Variants in IMMP2L observed in about 807,000 individuals in gnomAD.
IMMP2L encodes mitochondrial inner membrane protease subunit 2.
A neutral mutation model predicts 19.3 loss-of-function variants in IMMP2L; 18 were observed. That is an observed-to-expected ratio of 0.93 (90% CI 0.64 to 1.38). The LOEUF (loss-of-function observed/expected upper bound fraction) is 1.38. Ranked by LOEUF, IMMP2L falls within the 40% of genes most tolerant of loss-of-function variation. IMMP2L has a pLI of 0.00. For missense variants in IMMP2L, 233 were observed against 218.2 expected, an observed-to-expected ratio of 1.07 and a Z score of -0.43; for synonymous variants, 76 against 73.0, an observed-to-expected ratio of 1.04 and a Z score of -0.21.
intron 2 of IMMP2L, among the ~76,000 whole-genome samples, chr7:111,517,963 C>A (rs140321520): frequency 6.6e-6 from 1 of 152,052 alleles, no homozygotes; most frequent in Admixed American, 6.6e-5. Flanking sequence ...TGCAGCTATA[C>A]GGCTTTATAA....
intron 4 of IMMP2L, among the ~76,000 whole-genome samples, chr7:110,938,706 A>C (rs4730467): frequency 0.48 from 72,592 of 151,854 alleles, 18,558 homozygotes; most frequent in Non-Finnish European, 0.58. Flanking sequence ...CATGTAACAA[A>C]ACTGCACTTT....
At chr7:111,190,405 C>A (rs1808736931) in intron 3 of IMMP2L, among the ~76,000 whole-genome samples, 1 of 152,006 alleles carries the variant, frequency 6.6e-6, no homozygotes, top group African/African-American at 2.4e-5. Context: ...CCTCTATTAT[C>A]AAATATACTT....
intron 3 of IMMP2L, chr7:111,411,452 G>C: frequency 2.0e-6 from 1 of 501,294 alleles, no homozygotes; most frequent in South Asian, 1.4e-5. Flanking sequence ...GGAGCTCTTC[G>C]TGTACCTGAA....
rs1484229556 is a variant in IMMP2L at position 111,214,328 on chromosome 7, C to CTTTTTTTTTTTTTTTTTTTTTTTTTTTTT, written c.240-250764_240-250763insAAAAAAAAAAAAAAAAAAAAAAAAAAAAA. Among the ~76,000 whole-genome samples, 9 of 85,110 alleles carry CTTTTTTTTTTTTTTTTTTTTTTTTTTTTT rather than the reference C, an allele frequency of 1.1e-4. 4 individuals carry two copies. The highest frequency in any genetic ancestry group is 9.6e-5 in the African/African-American group (2 of 20,836). 55.8% of individuals were successfully genotyped at this position (85,110 alleles called of 152,430 possible). A position where few individuals can be genotyped will look rare whatever the true frequency, so the allele number is the denominator to read the frequency against. Reference sequence around the variant, plus strand: ...GTGAATGAATGACAAAGTAATTTTTCTTCTTTTTTTTTTTTTTTTTTTTTT... The same window carrying CTTTTTTTTTTTTTTTTTTTTTTTTTTTTT: ...GTGAATGAATGACAAAGTAATTTTTCTTTTTTTTTTTTTTTTTTTTTTTTTTTTTTTCTTTTTTTTTTTTTTTTTTTTTT... On this transcript the variant is annotated intron_variant, in intron 3 of 5. Coordinates refer to ENST00000405709, the MANE Select transcript of IMMP2L (RefSeq NM_032549.4).
intron 3 of IMMP2L, among the ~76,000 whole-genome samples, chr7:111,038,540 C>T (rs886285880): frequency 6.6e-6 from 1 of 152,098 alleles, no homozygotes; most frequent in African/African-American, 2.4e-5. Flanking sequence ...TGAGCGGTCA[C>T]AATAACCTAG....
chr7:111,258,633 A>G (rs1464404647), intron 3 of IMMP2L, among the ~76,000 whole-genome samples: 1 of 151,782 alleles, frequency 6.6e-6, no homozygotes, highest in East Asian at 1.9e-4. Context: ...CAGCCTCCCA[A>G]GTAGCTGGAA....
intron 3 of IMMP2L, among the ~76,000 whole-genome samples, chr7:111,070,985 A>C (rs977676899): frequency 2.0e-5 from 3 of 152,180 alleles, no homozygotes; most frequent in African/African-American, 4.8e-5. Flanking sequence ...TATTACTAAA[A>C]GTTTATAGCT....
chr7:111,134,120 A>G (rs1802106169), intron 3 of IMMP2L, among the ~76,000 whole-genome samples: 1 of 152,004 alleles, frequency 6.6e-6, no homozygotes, highest in African/African-American at 2.4e-5. Context: ...TCCACTGTCA[A>G]TTGTATTTCT....
chr7:110,909,337 C>A (rs188005006), intron 4 of IMMP2L, among the ~76,000 whole-genome samples: 4 of 152,230 alleles, frequency 2.6e-5, no homozygotes, highest in Non-Finnish European at 4.4e-5. Flanking sequence ...CAAACAATTG[C>A]TTATTCTGCG....
chr7:111,338,604 C>T (rs989056890), intron 3 of IMMP2L, among the ~76,000 whole-genome samples: 1 of 152,058 alleles, frequency 6.6e-6, no homozygotes, highest in African/African-American at 2.4e-5. Flanking sequence ...GCACAAAAAG[C>T]ACACATGAAG....
At chr7:111,339,225 A>T (rs918485936) in intron 3 of IMMP2L, among the ~76,000 whole-genome samples, 2 of 151,974 alleles carry the variant, frequency 1.3e-5, no homozygotes, top group Non-Finnish European at 2.9e-5. Flanking sequence ...ATCAGAAATT[A>T]TAATGCTTAG....
At chr7:111,415,378 T>A (rs1271325465) in intron 3 of IMMP2L, among the ~76,000 whole-genome samples, 1 of 151,744 alleles carries the variant, frequency 6.6e-6, no homozygotes, top group Admixed American at 6.6e-5. Context: ...CTTTAGTATA[T>A]AAGAACTTGA....
intron 3 of IMMP2L, among the ~76,000 whole-genome samples, chr7:111,120,572 A>C (rs932525810): frequency 3.3e-5 from 5 of 152,142 alleles, no homozygotes; most frequent in Admixed American, 3.3e-4. Flanking sequence ...GATGTAATAA[A>C]ATTGTTTTTT....
At chr7:110,988,979 G>A in intron 3 of IMMP2L, among the ~76,000 whole-genome samples, 1 of 152,108 alleles carries the variant, frequency 6.6e-6, no homozygotes, top group East Asian at 1.9e-4. Flanking sequence ...GCTCATGTCT[G>A]TAATGCCAGC....
intron 3 of IMMP2L, among the ~76,000 whole-genome samples, chr7:111,059,933 A>G (rs1202942762): frequency 6.9e-6 from 1 of 145,932 alleles, no homozygotes; most frequent in Non-Finnish European, 1.5e-5. Flanking sequence ...GAAAAAAAAA[A>G]AAGAAAAAAA....
intron 3 of IMMP2L, among the ~76,000 whole-genome samples, chr7:111,045,229 A>AT: frequency 6.6e-6 from 1 of 152,156 alleles, no homozygotes. Context: ...GAAATCCTTG[A>AT]TTTTTTCCAT....
intron 5 of IMMP2L, among the ~76,000 whole-genome samples, chr7:110,751,114 T>C (rs970723188): frequency 4.6e-5 from 7 of 151,262 alleles, no homozygotes; most frequent in African/African-American, 1.7e-4. Context: ...CTTGAGAACA[T>C]AATGGGAAAA....
intron 3 of IMMP2L, among the ~76,000 whole-genome samples, chr7:111,013,149 G>C (rs919266192): frequency 6.6e-6 from 1 of 152,060 alleles, no homozygotes; most frequent in Non-Finnish European, 1.5e-5. Flanking sequence ...AGTACCTAAG[G>C]ACAGATGAGG....
chr7:111,385,762 C>G (rs1019096538), intron 3 of IMMP2L, among the ~76,000 whole-genome samples: 1 of 152,004 alleles, frequency 6.6e-6, no homozygotes, highest in Non-Finnish European at 1.5e-5. Flanking sequence ...GATCCCATAC[C>G]CAGGTCACTG....
Sources: allele counts gnomAD v4.1 joint callset (sites outside exome capture counted in the v4.1 genomes callset), GRCh38; gene constraint gnomAD v4.1.1; transcripts MANE v1.5; gene names NCBI Gene and HGNC (gene_info 2026-07-23, HGNC 2026-07-21).